FAM228B: variants seen among roughly 807,000 people sequenced by gnomAD.
The protein encoded by FAM228B is protein FAM228B.
FAM228B carries 38 observed loss-of-function variants against 42.6 expected under a neutral mutation model. The observed-to-expected ratio is 0.89, with a 90% CI of 0.69 to 1.17. The LOEUF (loss-of-function observed/expected upper bound fraction) is 1.17. Ranked by LOEUF, FAM228B falls within the 50% of genes most tolerant of loss-of-function variation. FAM228B has a pLI of 0.00. For missense variants in FAM228B, 344 were observed against 367.3 expected (o/e 0.94, Z 0.52); for synonymous variants, 109 against 122.3 (o/e 0.89, Z 0.72).
At chr2:24,116,336 A>C (rs1292942164) in intron 3 of FAM228B, among the ~76,000 whole-genome samples, 2 of 152,076 alleles carry the variant, frequency 1.3e-5, no homozygotes, top group African/African-American at 4.8e-5. Context: ...TCCAAAACAA[A>C]ACAAAACCTG....
chr2:24,146,971 G>T lies in FAM228B; in HGVS notation c.571G>T (p.Val191Phe). 6.4e-7 allele frequency: 1 copy of T among 1,551,384 alleles called. No homozygotes were observed. The highest frequency in any genetic ancestry group is 1.2e-5 in the South Asian group (1 of 84,050). ...SIKEFKEVEK[V>F]QLHSRFPQIS... ...AAAGGAATTCAAAGAAGTTGAGAAG[G>T]TTCAGCTGCATTCCAGATTCCCACA... The change falls in exon 7 of 11, where the codon GTT becomes TTT. Residue 191 changes from valine (V) to phenylalanine (F), a missense_variant. Val to Phe is a conservative substitution (Grantham distance 50). Coordinates refer to ENST00000615575, the MANE Select transcript of FAM228B (RefSeq NM_001145710.2).
chr2:24,138,050 A>C lies in FAM228B; in HGVS notation c.310A>C (p.Lys104Gln). The C allele has an allele frequency of 6.5e-7, 1 of 1,543,498 alleles. No individual in the cohort carries two copies. Among genetic ancestry groups the C allele is most frequent in the Non-Finnish European group, 8.7e-7 (1 of 1,145,224 alleles). The change falls in exon 4 of 11, where the codon AAA becomes CAA. Residue 104 changes from lysine to glutamine, a missense_variant. Transcript: ENST00000615575. ...AGTTTGCTCACATAAGAAGATTAAA[A>C]AAAGGAGGCAAGGGGAATTAGATGG... is the stretch of plus-strand genomic sequence containing the variant. The part of the protein sequence containing the change: ...EKVCSHKKIK[K>Q]RRQGELDGFL...
chr2:24,119,229 A>G (rs931347881), upstream of FAM228B, among the ~76,000 whole-genome samples: 20 of 151,834 alleles, frequency 1.3e-4, no homozygotes, highest in Non-Finnish European at 2.4e-4. Flanking sequence ...GGGGTAAACC[A>G]TATGACCTGA....
chr2:24,089,405 C>T (rs1300996803), intron 2 of FAM228B, among the ~76,000 whole-genome samples: 1 of 151,964 alleles, frequency 6.6e-6, no homozygotes, highest in Non-Finnish European at 1.5e-5. Flanking sequence ...TCTACAGCAA[C>T]AAGTAGTAAA....
intron 5 of FAM228B, among the ~76,000 whole-genome samples, chr2:24,143,722 A>T (rs1666820493): frequency 6.6e-6 from 1 of 152,162 alleles, no homozygotes; most frequent in African/African-American, 2.4e-5. Flanking sequence ...TAAACATAAC[A>T]GGCATATTAT....
intron 3 of FAM228B, among the ~76,000 whole-genome samples, chr2:24,135,856 G>T (rs1455618129): frequency 6.6e-6 from 1 of 151,398 alleles, no homozygotes; most frequent in Non-Finnish European, 1.5e-5. Context: ...GAATGAATTA[G>T]TTTGTAGCCT....
intron 7 of FAM228B, among the ~76,000 whole-genome samples, chr2:24,156,857 C>T (rs1379885852): frequency 2.9e-5 from 4 of 136,158 alleles, no homozygotes; most frequent in Admixed American, 7.7e-5. Flanking sequence ...TAGTTCTGCT[C>T]TGATCTCTTT....
intron 2 of FAM228B, chr2:24,082,803 G>T: frequency 6.7e-7 from 1 of 1,484,798 alleles, no homozygotes; most frequent in Non-Finnish European, 9.0e-7. Flanking sequence ...GGAGTGCCCT[G>T]GGGGATTGCT....
intron 2 of FAM228B, among the ~76,000 whole-genome samples, chr2:24,083,340 C>T (rs762474726): frequency 2.6e-5 from 4 of 152,078 alleles, no homozygotes; most frequent in Non-Finnish European, 5.9e-5. Context: ...CTGGAGGTCA[C>T]ATGATCAGTG....
Position 24,147,104 on chromosome 2 carries a change from A to C in FAM228B, c.686+18A>C, listed in dbSNP as rs1165946195. The stretch of plus-strand genomic sequence containing the variant: ...AGGAGAAGGTAATGGTTAATATACT[A>C]GAAATTATAGAACCTTTTGGACTTT... On this transcript the variant is annotated intron_variant, in intron 7 of 10. Transcript: ENST00000615575. 2 of 1,499,928 alleles carry C rather than the reference A, an allele frequency of 1.3e-6. No homozygotes were observed. Among genetic ancestry groups the C allele is most frequent in the East Asian group, 4.9e-5 (2 of 40,530 alleles). The allele number at this position is 1,499,928 out of a possible 1,614,324, so 92.9% of individuals were successfully genotyped here. A position where few individuals can be genotyped will look rare whatever the true frequency, so the allele number is the denominator to read the frequency against.
upstream of FAM228B, among the ~76,000 whole-genome samples, chr2:24,120,263 C>T (rs980471024): frequency 7.7e-6 from 1 of 130,102 alleles, no homozygotes; most frequent in African/African-American, 2.6e-5. Flanking sequence ...AAGTGAAACT[C>T]GTCTCAAAAA....
At chr2:24,151,889 GAC>G (rs1667032434) in intron 7 of FAM228B, among the ~76,000 whole-genome samples, 1 of 151,944 alleles carries the variant, frequency 6.6e-6, no homozygotes, top group African/African-American at 2.4e-5. Context: ...TTTATTTTGA[GAC>G]AGAGTCTCGC....
chr2:24,162,069 A>G (rs1667299903), intron 8 of FAM228B, among the ~76,000 whole-genome samples: 1 of 152,254 alleles, frequency 6.6e-6, no homozygotes, highest in African/African-American at 2.4e-5. Context: ...ACTGCACTCC[A>G]GCTTGGGCGA....
chr2:24,169,568 T>G lies in FAM228B; in HGVS notation c.*227T>G, dbSNP rs1667520783. ...GTCTGTGATAATTAAGAAATGGCAA[T>G]ACCATGTATTTTCCCCAGAAGTTAA... On this transcript the variant is annotated 3_prime_UTR_variant, in exon 11 of 11. Coordinates refer to ENST00000615575, the MANE Select transcript of FAM228B (RefSeq NM_001145710.2). This position sits in a 1 kb window ranked among gnomAD's most constrained non-coding sequence, Gnocchi z 4.2. 1 of 286,208 alleles carries G rather than the reference T, an allele frequency of 3.5e-6. No homozygotes were observed. 17.7% of individuals were successfully genotyped at this position (286,208 alleles called of 1,614,324 possible).
chr2:24,142,012 G>A (rs1219722436), intron 5 of FAM228B, among the ~76,000 whole-genome samples: 1 of 152,102 alleles, frequency 6.6e-6, no homozygotes, highest in Non-Finnish European at 1.5e-5. Flanking sequence ...TTCAGATCCA[G>A]GTCCTTGCCC....
At chr2:24,104,352 A>G (rs1212312146) in intron 3 of FAM228B, among the ~76,000 whole-genome samples, 1 of 152,240 alleles carries the variant, frequency 6.6e-6, no homozygotes, top group Admixed American at 6.5e-5. Flanking sequence ...GGGGACCTCT[A>G]TAAGCCTTGG....
intron 1 of FAM228B, chr2:24,079,779 C>T (rs1460077559): frequency 1.1e-5 from 9 of 784,844 alleles, no homozygotes; most frequent in African/African-American, 1.8e-5. Flanking sequence ...GCTTGAAGAA[C>T]TGTTGTAAAT....
intron 2 of FAM228B, among the ~76,000 whole-genome samples, chr2:24,125,566 CCTTTTCTTTTT>C (rs1325451300): frequency 6.6e-6 from 1 of 151,544 alleles, no homozygotes. Context: ...CTCTCTCTTT[CCTTTTCTTTTT>C]CTTTTCTTTC....
intron 5 of FAM228B, 73 bp from the exon 6 acceptor site, chr2:24,146,675 T>A (rs1266356806): frequency 4.0e-6 from 4 of 998,858 alleles, no homozygotes; most frequent in Non-Finnish European, 5.9e-6. Flanking sequence ...CATATGTGGA[T>A]GCTTAGAATA....
Sources: allele counts gnomAD v4.1 joint callset (sites outside exome capture counted in the v4.1 genomes callset), GRCh38; gene constraint gnomAD v4.1.1; non-coding constraint Gnocchi (gnomAD v3.1); transcripts MANE v1.5; gene names NCBI Gene and HGNC (gene_info 2026-07-23, HGNC 2026-07-21).